The following EIF2AK3 variants were observed in gnomAD, a reference collection of about 807,000 sequenced individuals.
The protein encoded by EIF2AK3 is eukaryotic translation initiation factor 2 alpha kinase 3.
EIF2AK3 carries 50 observed loss-of-function variants against 113.5 expected under a neutral mutation model. The observed-to-expected ratio is 0.44, with a 90% CI of 0.35 to 0.56. The LOEUF is 0.56. Ranked by LOEUF, EIF2AK3 falls within the 20% of genes least tolerant of loss-of-function variation. The pLI, the probability that EIF2AK3 is intolerant of heterozygous loss-of-function variation, is 0.00. For synonymous variants in EIF2AK3, 448 were observed against 495.4 expected (o/e 0.90, Z 1.27); for missense variants, 1,185 against 1,378.0 (o/e 0.86, Z 2.22).
chr2:88,600,963 A>T (rs2104452223), intron 2 of EIF2AK3, among the ~76,000 whole-genome samples: 1 of 152,340 alleles, frequency 6.6e-6, no homozygotes, highest in Admixed American at 6.5e-5. Context: ...AGCATATAGA[A>T]TGTGGAGATT....
intron 10 of EIF2AK3, among the ~76,000 whole-genome samples, chr2:88,580,198 A>G (rs990668002): frequency 7.2e-5 from 11 of 152,056 alleles, no homozygotes; most frequent in Non-Finnish European, 1.5e-5. Flanking sequence ...ACAGAAGCCA[A>G]CTCACCATCT....
At chr2:88,601,851 T>C (rs1450565923) in intron 2 of EIF2AK3, among the ~76,000 whole-genome samples, 2 of 149,302 alleles carry the variant, frequency 1.3e-5, no homozygotes, top group Non-Finnish European at 3.0e-5. Context: ...TTTTTTTTTT[T>C]TTTTGCTTTT....
At chr2:88,558,895 A>G in intron 16 of EIF2AK3, 22 bp downstream of exon 16, 1 of 1,554,610 alleles carries the variant, frequency 6.4e-7, no homozygotes, top group Non-Finnish European at 8.9e-7. Context: ...TAAAGAAGAT[A>G]AAAGATGAGA....
intron 16 of EIF2AK3, 141 bp from the exon 17 acceptor site, chr2:88,558,077 T>G (rs1673832258): frequency 1.3e-6 from 1 of 771,694 alleles, no homozygotes; most frequent in Non-Finnish European, 2.2e-6. Context: ...CTGATACAAC[T>G]ACTCAGCTCT....
chr2:88,580,275 C>T (rs1302725271), intron 10 of EIF2AK3, among the ~76,000 whole-genome samples: 1 of 152,210 alleles, frequency 6.6e-6, no homozygotes. Context: ...CTGACCTGCA[C>T]TGTATCATCC....
At chr2:88,574,479 A>G (rs768915978) in intron 13 of EIF2AK3, 187 bp downstream of exon 13, 23 of 667,554 alleles carry the variant, frequency 3.4e-5, no homozygotes, top group Non-Finnish European at 5.3e-5. Flanking sequence ...TGGTTTGCCT[A>G]AAGTTTTCAG....
chr2:88,563,413 C>G (rs1674017620), intron 14 of EIF2AK3, among the ~76,000 whole-genome samples: 1 of 152,152 alleles, frequency 6.6e-6, no homozygotes, highest in South Asian at 2.1e-4. Flanking sequence ...AATCTGAACC[C>G]TGTCTCACTT....
chr2:88,609,995 G>A (rs1220443530), intron 2 of EIF2AK3, among the ~76,000 whole-genome samples: 2 of 144,036 alleles, frequency 1.4e-5, no homozygotes, highest in South Asian at 2.3e-4. Flanking sequence ...GGTGGCAAGC[G>A]CCTATAGTCT....
chr2:88,591,296 C>T (rs1674883718), intron 4 of EIF2AK3, among the ~76,000 whole-genome samples: 1 of 152,152 alleles, frequency 6.6e-6, no homozygotes, highest in African/African-American at 2.4e-5. Flanking sequence ...TCCCTTACAA[C>T]AGCTAAGGGA....
upstream of EIF2AK3, chr2:88,627,504 T>C: frequency 2.4e-6 from 1 of 417,486 alleles, no homozygotes; most frequent in Non-Finnish European, 4.1e-6. Context: ...TCCGCGCGTT[T>C]GCTCTCTCAT....
intron 9 of EIF2AK3, among the ~76,000 whole-genome samples, chr2:88,584,258 T>C (rs962860402): frequency 4.6e-5 from 7 of 152,138 alleles, no homozygotes; most frequent in African/African-American, 1.7e-4. Context: ...GGCTCATGCC[T>C]GTAATCCCAA....
chr2:88,616,053 T>G (rs1478026674), intron 1 of EIF2AK3, among the ~76,000 whole-genome samples: 2 of 152,174 alleles, frequency 1.3e-5, no homozygotes. Context: ...TCTATGCTAT[T>G]CTGTCTCAGT....
chr2:88,579,601 A>G lies in EIF2AK3; in HGVS notation c.1803T>C (p.Arg601=), dbSNP rs1674548088. The G allele has an allele frequency of 6.2e-7, 1 of 1,613,670 alleles. No homozygotes were observed. The highest frequency in any genetic ancestry group is 8.5e-7 in the Non-Finnish European group (1 of 1,179,806). ...TDFEPIQCLG[R]GGFGVVFEAK... Reference sequence around the variant, plus strand: ...CTTCAAAAACAACTCCAAAGCCACCACGTCCCAGGCATTGAATTGGCTCAA... The same window carrying G: ...CTTCAAAAACAACTCCAAAGCCACCGCGTCCCAGGCATTGAATTGGCTCAA... Residue 601 remains arginine, a synonymous_variant, in exon 11 of 17, where the codon CGT becomes CGC. Transcript: ENST00000303236.
chr2:88,560,588 C>T, intron 15 of EIF2AK3, among the ~76,000 whole-genome samples: 1 of 152,070 alleles, frequency 6.6e-6, no homozygotes, highest in East Asian at 1.9e-4. Flanking sequence ...CTTGTCTTTT[C>T]ACTTTCTTGA....
chr2:88,570,352 C>CT (rs929789131), intron 14 of EIF2AK3, among the ~76,000 whole-genome samples: 1 of 152,172 alleles, frequency 6.6e-6, no homozygotes, highest in Non-Finnish European at 1.5e-5. Context: ...CCAGGATGCC[C>CT]TGCTCCCCCA....
intron 2 of EIF2AK3, among the ~76,000 whole-genome samples, chr2:88,600,471 T>C (rs141857760): frequency 6.6e-6 from 1 of 152,210 alleles, no homozygotes; most frequent in Non-Finnish European, 1.5e-5. Context: ...TCAAACTTAT[T>C]GTGTGACTTG....
chr2:88,621,884 C>G (rs1290707647), intron 1 of EIF2AK3, among the ~76,000 whole-genome samples: 1 of 145,010 alleles, frequency 6.9e-6, no homozygotes, highest in Non-Finnish European at 1.5e-5. Context: ...ACCTTTTCTA[C>G]TTTATTCTAT....
intron 11 of EIF2AK3, 102 bp from the exon 12 acceptor site, chr2:88,576,805 T>C: frequency 7.8e-7 from 1 of 1,278,526 alleles, no homozygotes; most frequent in Non-Finnish European, 1.1e-6. Context: ...AGATGTATTA[T>C]ATACCAATAA....
rs797045558 is a variant in EIF2AK3, at chr2:88,585,925, CCA to C, written c.1564_1565del (p.Trp522GlufsTer34). 6.2e-7 allele frequency: 1 copy of C among 1,614,080 alleles called. No individual in the cohort carries two copies. The highest frequency in any genetic ancestry group is 1.1e-5 in the South Asian group (1 of 91,076). ...KKDPVLLLHW[W>X]KEIVATILFC... is the part of the protein sequence containing the mutation. ...ACAAAATCGTTGCAACTATTTCTTT[CCA>C]CCAGTGTAAAAGAAGAACAGGATCC... On this transcript the variant is annotated frameshift_variant, in exon 9 of 17. Transcript: ENST00000303236. LOFTEE classifies it high-confidence loss of function.
Sources: allele counts gnomAD v4.1 joint callset (sites outside exome capture counted in the v4.1 genomes callset), GRCh38; gene constraint gnomAD v4.1.1; transcripts MANE v1.5; gene names NCBI Gene and HGNC (gene_info 2026-07-23, HGNC 2026-07-21).